The following LSAMP variants were observed in gnomAD, a reference collection of about 807,000 sequenced individuals.
LSAMP encodes the protein limbic system-associated membrane protein.
A neutral mutation model predicts 38.6 loss-of-function variants in LSAMP; 7 were observed. The observed-to-expected ratio is 0.18, with a 90% CI of 0.10 to 0.34. The LOEUF is 0.34. Among genes scored for constraint, LSAMP ranks in the 10% least tolerant of loss-of-function variants. The pLI, the probability that LSAMP is intolerant of heterozygous loss-of-function variation, is 1.00. For missense variants in LSAMP, 313 were observed against 420.0 expected (o/e 0.75, Z 2.23); for synonymous variants, 154 against 166.8 (o/e 0.92, Z 0.59).
chr3:116,387,541 C>G (rs1443665804), intron 1 of LSAMP, among the ~76,000 whole-genome samples: 1 of 151,870 alleles, frequency 6.6e-6, no homozygotes, highest in Non-Finnish European at 1.5e-5. Context: ...CAAAAACTAA[C>G]AAAAAAACTT....
At chr3:116,108,795 G>A (rs1708529868) in intron 1 of LSAMP, among the ~76,000 whole-genome samples, 1 of 152,178 alleles carries the variant, frequency 6.6e-6, no homozygotes, top group Non-Finnish European at 1.5e-5. Flanking sequence ...CCTGGGGGAG[G>A]AGGTTCTGGA....
intron 2 of LSAMP, among the ~76,000 whole-genome samples, chr3:116,054,253 C>A (rs1941449289): frequency 6.6e-6 from 1 of 152,146 alleles, no homozygotes; most frequent in African/African-American, 2.4e-5. Context: ...TTCTCTGATT[C>A]TTTTAAGGAT....
At chr3:115,827,955 T>C (rs1934479502) in intron 6 of LSAMP, among the ~76,000 whole-genome samples, 1 of 152,214 alleles carries the variant, frequency 6.6e-6, no homozygotes, top group Admixed American at 6.5e-5. Context: ...TACAAATAAC[T>C]TGTGATGATG....
Position 115,852,475 on chromosome 3 carries a change from G to A in LSAMP, c.649+8C>T, listed in dbSNP as rs200322537. ...CACCTAGCACCTGCTGGCTCCTGCC[G>A]TACTCACAGTTCACAGTGACCTTGA... is the stretch of plus-strand genomic sequence containing the variant. On this transcript the variant is annotated splice_region_variant and intron_variant, in intron 4 of 6. Transcript: ENST00000490035. 112 of 1,606,912 alleles carry A rather than the reference G, an allele frequency of 7.0e-5. No individual in the cohort carries two copies. The highest frequency in any genetic ancestry group is 3.5e-4 in the African/African-American group (26 of 74,662).
At chr3:116,143,324 T>C (rs904554443) in intron 1 of LSAMP, among the ~76,000 whole-genome samples, 3 of 151,928 alleles carry the variant, frequency 2.0e-5, no homozygotes, top group Non-Finnish European at 4.4e-5. Flanking sequence ...GAGTTGTTTA[T>C]TTGACACTCT....
intron 3 of LSAMP, among the ~76,000 whole-genome samples, chr3:115,899,841 C>T (rs1345004108): frequency 2.0e-5 from 3 of 152,092 alleles, no homozygotes; most frequent in Non-Finnish European, 2.9e-5. Flanking sequence ...AAAATGGCAT[C>T]GGAGTTTATA....
At position 116,095,865 on chromosome 3, in the gene LSAMP, G is replaced by A. The variant is rs75431702; in HGVS notation, c.156-9309C>T. On this transcript the variant is annotated intron_variant, in intron 1 of 6. Transcript: ENST00000490035. ...GTAAGTGGTGAAGTGGAAAAGTTATGGGTTCAGTAGTTTAGTAGCTTTAGG... is the reference window on the plus strand; with the variant it reads ...GTAAGTGGTGAAGTGGAAAAGTTATAGGTTCAGTAGTTTAGTAGCTTTAGG... 9.2e-5 allele frequency among the ~76,000 whole-genome samples: 14 copies of A among 152,280 alleles called. No homozygotes were observed. The East Asian group carries it at 2.7e-3, about 29-fold the overall frequency.
At chr3:116,238,620 A>C (rs2046494325) in intron 1 of LSAMP, among the ~76,000 whole-genome samples, 1 of 152,036 alleles carries the variant, frequency 6.6e-6, no homozygotes, top group Admixed American at 6.6e-5. Context: ...CCTCTATACA[A>C]AGCCTATTTC....
chr3:116,379,306 G>A (rs2048529872), intron 1 of LSAMP, among the ~76,000 whole-genome samples: 1 of 152,030 alleles, frequency 6.6e-6, no homozygotes. Flanking sequence ...AAGTGATGGG[G>A]TAGCCAGAGC....
intron 1 of LSAMP, among the ~76,000 whole-genome samples, chr3:116,397,060 T>A (rs1280895129): frequency 6.6e-6 from 1 of 152,228 alleles, no homozygotes; most frequent in Non-Finnish European, 1.5e-5. Context: ...AGAGCCAGGT[T>A]GTTCTTTGAA....
intron 1 of LSAMP, among the ~76,000 whole-genome samples, chr3:116,225,683 C>T (rs563738312): frequency 6.6e-5 from 10 of 151,502 alleles, no homozygotes; most frequent in Admixed American, 3.3e-4. Flanking sequence ...CATCAAATAT[C>T]GATTACATGG....
chr3:116,064,124 C>A (rs990308722), intron 2 of LSAMP, among the ~76,000 whole-genome samples: 1 of 152,186 alleles, frequency 6.6e-6, no homozygotes, highest in Non-Finnish European at 1.5e-5. Flanking sequence ...AAAGGTATAA[C>A]CTCTTCCTCT....
At chr3:116,158,330 A>G (rs1184732666) in intron 1 of LSAMP, among the ~76,000 whole-genome samples, 2 of 152,170 alleles carry the variant, frequency 1.3e-5, no homozygotes, top group African/African-American at 2.4e-5. Context: ...CTCCTACTCA[A>G]CCTAGTACTA....
chr3:116,392,903 G>A (rs2048723280), intron 1 of LSAMP, among the ~76,000 whole-genome samples: 2 of 152,122 alleles, frequency 1.3e-5, no homozygotes, highest in African/African-American at 4.8e-5. Flanking sequence ...GAGAACTAAG[G>A]AAATGATGGG....
chr3:115,961,392 T>C (rs1192192981), intron 3 of LSAMP, among the ~76,000 whole-genome samples: 1 of 152,122 alleles, frequency 6.6e-6, no homozygotes, highest in Non-Finnish European at 1.5e-5. Flanking sequence ...AGCTACAACT[T>C]TAGGTCTGGG....
intron 3 of LSAMP, among the ~76,000 whole-genome samples, chr3:116,017,532 T>C (rs1371230647): frequency 1.3e-5 from 2 of 152,108 alleles, no homozygotes. Flanking sequence ...GAAATGGACT[T>C]GATCCCATAA....
At chr3:116,090,755 C>T (rs1708104233) in intron 1 of LSAMP, among the ~76,000 whole-genome samples, 1 of 152,016 alleles carries the variant, frequency 6.6e-6, no homozygotes, top group Admixed American at 6.6e-5. Context: ...CAAAAACCAG[C>T]AAGTTTTTAT....
intron 1 of LSAMP, among the ~76,000 whole-genome samples, chr3:116,264,878 GA>G (rs74579840): frequency 0.013 from 1,975 of 148,496 alleles, 34 homozygotes; most frequent in African/African-American, 0.044. Context: ...AGTGCTGGGG[GA>G]AAAAAAAAAG....
At chr3:116,041,813 A>AC (rs1263016146) in intron 2 of LSAMP, among the ~76,000 whole-genome samples, 1 of 149,074 alleles carries the variant, frequency 6.7e-6, no homozygotes, top group East Asian at 2.0e-4. Context: ...AAACAAAACA[A>AC]AACAAAAAAA....
Sources: allele counts gnomAD v4.1 joint callset (sites outside exome capture counted in the v4.1 genomes callset), GRCh38; gene constraint gnomAD v4.1.1; transcripts MANE v1.5; gene names NCBI Gene and HGNC (gene_info 2026-07-23, HGNC 2026-07-21).